The following ZC3H7B variants were observed in gnomAD, a reference collection of about 807,000 sequenced individuals.
The protein encoded by ZC3H7B is zinc finger CCCH domain-containing protein 7B.
In ZC3H7B, 35 loss-of-function variants were observed where a neutral mutation model predicts 116.0. The observed-to-expected ratio is 0.30, with a 90% CI of 0.23 to 0.40. The LOEUF (loss-of-function observed/expected upper bound fraction) is 0.40. Among genes scored for constraint, ZC3H7B ranks in the 10% least tolerant of loss-of-function variants. The pLI, the probability that ZC3H7B is intolerant of heterozygous loss-of-function variation, is 1.00. For missense variants in ZC3H7B, 1,011 were observed against 1,321.5 expected (o/e 0.77, Z 3.64); for synonymous variants, 502 against 545.6 (o/e 0.92, Z 1.11).
At chr22:41,343,131 C>G (rs973412648) in intron 12 of ZC3H7B, among the ~76,000 whole-genome samples, 7 of 152,190 alleles carry the variant, frequency 4.6e-5, no homozygotes, top group Non-Finnish European at 1.0e-4. Context: ...TGGGATCACA[C>G]TACTGCACTC....
intron 5 of ZC3H7B, among the ~76,000 whole-genome samples, chr22:41,328,812 C>T (rs2036347140): frequency 6.6e-6 from 1 of 152,038 alleles, no homozygotes; most frequent in South Asian, 2.1e-4. Context: ...TGTATCGTCA[C>T]TTGCTGGGGG....
chr22:41,339,313 A>C, intron 9 of ZC3H7B, 122 bp downstream of exon 9: 1 of 1,227,190 alleles, frequency 8.1e-7, no homozygotes, highest in Non-Finnish European at 1.1e-6. Flanking sequence ...AGGCCTCAGT[A>C]GGGACTTGTT....
chr22:41,346,214 G>A lies in ZC3H7B; in HGVS notation c.1665+6G>A. ...TCTTCACCTTCCTCTGCGAGGTACT[G>A]CCCACCCACCCACTGCCACCCCATA... On this transcript the variant is annotated splice_donor_region_variant and intron_variant, in intron 14 of 22. Coordinates refer to ENST00000352645, the MANE Select transcript of ZC3H7B (RefSeq NM_017590.6). This position sits in a 1 kb window ranked among gnomAD's most constrained non-coding sequence, Gnocchi z 5.3. 1 of 1,608,094 alleles carries A rather than the reference G, an allele frequency of 6.2e-7. No individual in the cohort carries two copies.
chr22:41,318,621 C>T (rs543471947), intron 1 of ZC3H7B, among the ~76,000 whole-genome samples: 36 of 150,704 alleles, frequency 2.4e-4, no homozygotes, highest in South Asian at 1.9e-3. Context: ...TGGTGGCGCG[C>T]GCCTGTGATC....
At chr22:41,311,541 C>G (rs375880289) in intron 1 of ZC3H7B, among the ~76,000 whole-genome samples, 19 of 152,020 alleles carry the variant, frequency 1.2e-4, no homozygotes, top group African/African-American at 4.3e-4. Flanking sequence ...AGAGGGCATT[C>G]CAGGTAGAGG....
intron 7 of ZC3H7B, chr22:41,336,192 G>A (rs987955184): frequency 6.6e-6 from 1 of 152,298 alleles, no homozygotes; most frequent in Admixed American, 6.5e-5. Context: ...ACTGTTGAAC[G>A]AAACAGCAGC....
chr22:41,319,758 G>T (rs2145908495), intron 1 of ZC3H7B, among the ~76,000 whole-genome samples: 1 of 152,274 alleles, frequency 6.6e-6, no homozygotes, highest in Middle Eastern at 3.4e-3. Context: ...GCTGAGCACA[G>T]TGGCTAACGC....
chr22:41,335,176 C>G (rs2036427558), intron 7 of ZC3H7B: 2 of 152,266 alleles, frequency 1.3e-5, no homozygotes, highest in Admixed American at 6.5e-5. Context: ...ATAGCCTGGG[C>G]TCTGCAGTGG....
Position 41,349,712 on chromosome 22 carries a change from C to T in ZC3H7B, c.1948+411C>T, listed in dbSNP as rs190995347. On this transcript the variant is annotated intron_variant, in intron 16 of 22. Coordinates refer to ENST00000352645, the MANE Select transcript of ZC3H7B (RefSeq NM_017590.6). The surrounding 1 kb of genome is among the most constrained non-coding windows in gnomAD (Gnocchi z 4.9). ...CCATCTCTTCCTCACAGAGCTGCTG[C>T]GGGGATTGGAAGGTGTTCTCCACTC... Among the ~76,000 whole-genome samples, 74 of 152,286 alleles carry T rather than the reference C, an allele frequency of 4.9e-4. No individual in the cohort carries two copies. Among genetic ancestry groups the T allele is most frequent in the African/African-American group, 1.7e-3 (72 of 41,548 alleles).
chr22:41,325,941 TCTC>T (rs1226848109), intron 4 of ZC3H7B, 23 bp downstream of exon 4: 2 of 1,580,882 alleles, frequency 1.3e-6, no homozygotes, highest in Admixed American at 1.8e-5. Flanking sequence ...CCCTCTTTTC[TCTC>T]CTCCTCTGCT....
chr22:41,322,988 C>T (rs1262169179), intron 2 of ZC3H7B, among the ~76,000 whole-genome samples: 1 of 152,188 alleles, frequency 6.6e-6, no homozygotes, highest in Non-Finnish European at 1.5e-5. Context: ...TTTCACACGC[C>T]CTCGGTATCC....
intron 1 of ZC3H7B, among the ~76,000 whole-genome samples, chr22:41,308,930 C>T (rs952562550): frequency 6.6e-6 from 1 of 151,996 alleles, no homozygotes; most frequent in African/African-American, 2.4e-5. Flanking sequence ...TACCCCACCT[C>T]CTATCTTCCA....
Position 41,355,558 on chromosome 22 carries a change from G to A in ZC3H7B, c.2124G>A (p.Glu708=). 2 of 1,614,186 alleles carry A rather than the reference G, an allele frequency of 1.2e-6. No homozygotes were observed. Among genetic ancestry groups the A allele is most frequent in the Non-Finnish European group, 1.7e-6 (2 of 1,180,030 alleles). The part of the protein sequence containing the change: ...GQCWRNGQVV[E]PDKDLKYCSA... ...GCTGGAGAAACGGGCAGGTGGTGGA[G>A]CCTGACAAGGACCTCAAGTACTGTA... Residue 708 remains glutamate, a synonymous_variant, in exon 18 of 23, where the codon GAG becomes GAA. Coordinates refer to ENST00000352645, the MANE Select transcript of ZC3H7B (RefSeq NM_017590.6).
At position 41,302,219 on chromosome 22, in the gene ZC3H7B, C is replaced by A. The variant is rs1411863115; in HGVS notation, c.-7+447C>A. Among the ~76,000 whole-genome samples the A allele has an allele frequency of 1.3e-5, 2 of 152,048 alleles. No individual in the cohort carries two copies. The highest frequency in any genetic ancestry group is 2.0e-4 in the East Asian group (1 of 5,128). On this transcript the variant is annotated intron_variant, in intron 1 of 22. Coordinates refer to ENST00000352645, the MANE Select transcript of ZC3H7B (RefSeq NM_017590.6). This position sits in a 1 kb window ranked among gnomAD's most constrained non-coding sequence, Gnocchi z 5.7. ...GGGCGTCGCTGGCAGGGCCCCCCTT[C>A]CTTTTGTGTTGTCCTTGGCCCCGCA...
intron 2 of ZC3H7B, among the ~76,000 whole-genome samples, chr22:41,324,024 T>C (rs1209377095): frequency 6.6e-6 from 1 of 151,610 alleles, no homozygotes; most frequent in Admixed American, 6.6e-5. Context: ...GAGCCGAGAT[T>C]GGGCCACTGC....
Position 41,349,240 on chromosome 22 carries a change from C to G in ZC3H7B, c.1887C>G (p.Asp629Glu). The G allele has an allele frequency of 6.2e-7, 1 of 1,613,468 alleles. No homozygotes were observed. The highest frequency in any genetic ancestry group is 8.5e-7 in the Non-Finnish European group (1 of 1,179,978). ...TGCGCTACGGCTGCCTGCGGGAGGA[C>G]AGCTGCCACTTCGCCCACAGCTTCA... ...HEVRYGCLRE[D>E]SCHFAHSFIE... Residue 629 changes from aspartate to glutamate, a missense_variant, in exon 16 of 23, where the codon GAC (aspartate) becomes GAG (glutamate). Around this residue, in one of 5 missense-constraint regions of ZC3H7B, gnomAD observed 406 missense variants for 590.2 expected, o/e 0.69. Coordinates refer to ENST00000352645, the MANE Select transcript of ZC3H7B (RefSeq NM_017590.6). This position sits in a 1 kb window ranked among gnomAD's most constrained non-coding sequence, Gnocchi z 4.9.
At chr22:41,321,832 T>TTTC (rs2036260489) in intron 2 of ZC3H7B, among the ~76,000 whole-genome samples, 1 of 61,936 alleles carries the variant, frequency 1.6e-5, no homozygotes, top group African/African-American at 5.2e-5. Flanking sequence ...TCACATTCTT[T>TTTC]TTTTTTTTTT....
In ZC3H7B at chr22:41,357,120, A is replaced by G. The variant is rs138878303; in HGVS notation, c.2682-57A>G. ...AGGTCAAGCGGCCGGCCCCAGATGG[A>G]CAGCCTGGGGTGGGAAGGGCACAGA... On this transcript the variant is annotated intron_variant, in intron 22 of 22. Transcript: ENST00000352645. The surrounding 1 kb of genome is among the most constrained non-coding windows in gnomAD (Gnocchi z 5.4). 5.4e-4 allele frequency: 858 copies of G among 1,591,820 alleles called. 12 individuals carry two copies. The East Asian group carries it at 0.016, about 29-fold the overall frequency.
Position 41,349,104 on chromosome 22 carries a change from C to T in ZC3H7B, c.1767-16C>T. The T allele has an allele frequency of 2.5e-6, 4 of 1,612,592 alleles. No homozygotes were observed. Among genetic ancestry groups the T allele is most frequent in the Non-Finnish European group, 3.4e-6 (4 of 1,179,520 alleles). ...TGCGGACTGCATCGTGCCCCTCCTGCCTGCCCGCCCGCCAGGTGCCTGGTG... is the reference window on the plus strand; with the variant it reads ...TGCGGACTGCATCGTGCCCCTCCTGTCTGCCCGCCCGCCAGGTGCCTGGTG... On this transcript the variant is annotated splice_polypyrimidine_tract_variant and intron_variant, in intron 15 of 22. Coordinates refer to ENST00000352645, the MANE Select transcript of ZC3H7B (RefSeq NM_017590.6). This position sits in a 1 kb window ranked among gnomAD's most constrained non-coding sequence, Gnocchi z 4.9.
Sources: allele counts gnomAD v4.1 joint callset (sites outside exome capture counted in the v4.1 genomes callset), GRCh38; gene constraint gnomAD v4.1.1; regional missense constraint gnomAD v4.1.1; non-coding constraint Gnocchi (gnomAD v3.1); transcripts MANE v1.5; gene names NCBI Gene and HGNC (gene_info 2026-07-23, HGNC 2026-07-21).